Variants in C12orf56 observed in about 807,000 individuals in gnomAD.
C12orf56 encodes chromosome 12 open reading frame 56, also known as uncharacterized protein C12orf56.
A neutral mutation model predicts 69.9 loss-of-function variants in C12orf56; 71 were observed. That is an observed-to-expected ratio of 1.02 (90% CI 0.84 to 1.24). The LOEUF (loss-of-function observed/expected upper bound fraction) is 1.24, where lower values mean the gene tolerates loss of function less well. C12orf56 is among the 50% of genes most tolerant of loss of function. The pLI, the probability that C12orf56 is intolerant of heterozygous loss-of-function variation, is 0.00. For synonymous variants in C12orf56, 276 were observed against 274.1 expected (o/e 1.01, Z -0.07); for missense variants, 732 against 738.5 (o/e 0.99, Z 0.10).
At chr12:64,389,874 T>G (rs2039844515) in intron 1 of C12orf56, among the ~76,000 whole-genome samples, 1 of 152,284 alleles carries the variant, frequency 6.6e-6, no homozygotes, top group East Asian at 1.9e-4. Context: ...ATAACAGCAC[T>G]TAACACACAG....
At chr12:64,390,276 T>C in intron 1 of C12orf56, 38 bp downstream of exon 1, 9 of 1,562,286 alleles carry the variant, frequency 5.8e-6, no homozygotes, top group East Asian at 2.3e-5. Context: ...GAGTTCTCAC[T>C]GCGCTCCCGA....
intron 5 of C12orf56, among the ~76,000 whole-genome samples, chr12:64,308,476 C>T (rs2038545880): frequency 6.6e-6 from 1 of 150,394 alleles, no homozygotes. Flanking sequence ...TTCTATATCA[C>T]ATCATCAAGC....
At chr12:64,325,645 G>T (rs2038829538) in intron 3 of C12orf56, among the ~76,000 whole-genome samples, 1 of 152,162 alleles carries the variant, frequency 6.6e-6, no homozygotes, top group Non-Finnish European at 1.5e-5. Context: ...AACTGAAATT[G>T]ATGAGTTGGC....
chr12:64,386,384 T>TTATATATATATATA (rs1465862061), intron 1 of C12orf56, among the ~76,000 whole-genome samples: 1 of 104,104 alleles, frequency 9.6e-6, no homozygotes. Flanking sequence ...TGGCTAATTT[T>TTATATATATATATA]TATATATATA....
At chr12:64,305,798 C>A (rs2038503832) in intron 5 of C12orf56, among the ~76,000 whole-genome samples, 1 of 152,232 alleles carries the variant, frequency 6.6e-6, no homozygotes, top group Non-Finnish European at 1.5e-5. Flanking sequence ...CTATCCACTT[C>A]TAATTACCAC....
At chr12:64,384,942 T>C (rs1441287077) in intron 1 of C12orf56, among the ~76,000 whole-genome samples, 6 of 151,408 alleles carry the variant, frequency 4.0e-5, no homozygotes, top group African/African-American at 1.5e-4. Flanking sequence ...TAATCCCAGC[T>C]ACCCGAGAGG....
At chr12:64,269,530 C>G (rs1202744243) in intron 12 of C12orf56, among the ~76,000 whole-genome samples, 1 of 152,104 alleles carries the variant, frequency 6.6e-6, no homozygotes, top group Non-Finnish European at 1.5e-5. Flanking sequence ...TTGCTTCTGT[C>G]CAATAACTCA....
intron 5 of C12orf56, among the ~76,000 whole-genome samples, chr12:64,310,365 A>G (rs2038591029): frequency 1.3e-5 from 2 of 152,200 alleles, no homozygotes; most frequent in South Asian, 4.1e-4. Flanking sequence ...TGAATCTGTC[A>G]TTTCATTACA....
chr12:64,329,659 A>C (rs1292387679), intron 3 of C12orf56, among the ~76,000 whole-genome samples: 2 of 134,452 alleles, frequency 1.5e-5, no homozygotes, highest in South Asian at 2.7e-4. Flanking sequence ...TATATCTCCC[A>C]ATGCTATCCC....
intron 2 of C12orf56, among the ~76,000 whole-genome samples, chr12:64,351,490 C>T (rs987034372): frequency 3.3e-5 from 5 of 152,154 alleles, no homozygotes; most frequent in Non-Finnish European, 5.9e-5. Context: ...AGCCAAGCTT[C>T]GCAATTCATG....
intron 9 of C12orf56, among the ~76,000 whole-genome samples, chr12:64,276,993 T>A (rs1338725281): frequency 4.3e-5 from 3 of 69,218 alleles, no homozygotes; most frequent in African/African-American, 1.7e-4. Context: ...AACCCTTTCT[T>A]AAAAAAAAAA....
At chr12:64,309,955 C>A (rs774403689) in intron 5 of C12orf56, among the ~76,000 whole-genome samples, 8 of 151,982 alleles carry the variant, frequency 5.3e-5, no homozygotes, top group Non-Finnish European at 1.2e-4. Flanking sequence ...TAAGACAAAT[C>A]AATGGATTTA....
intron 6 of C12orf56, among the ~76,000 whole-genome samples, chr12:64,287,243 C>CAAA (rs534894017): frequency 1.0e-5 from 1 of 98,768 alleles, no homozygotes; most frequent in African/African-American, 4.1e-5. Context: ...GAGACTCCAT[C>CAAA]AAAAAAAAAA....
chr12:64,351,194 T>C (rs1445528259), intron 2 of C12orf56, among the ~76,000 whole-genome samples: 2 of 152,186 alleles, frequency 1.3e-5, no homozygotes, highest in Non-Finnish European at 2.9e-5. Context: ...ACCCAAATCT[T>C]AGCAAGCATA....
At chr12:64,389,936 G>T (rs1386032277) in intron 1 of C12orf56, among the ~76,000 whole-genome samples, 2 of 152,160 alleles carry the variant, frequency 1.3e-5, no homozygotes, top group African/African-American at 4.8e-5. Context: ...CTGCTTCTAG[G>T]TAGGGGCCCT....
At chr12:64,353,400 G>A (rs568960547) in intron 1 of C12orf56, among the ~76,000 whole-genome samples, 7 of 151,456 alleles carry the variant, frequency 4.6e-5, no homozygotes, top group East Asian at 1.9e-4. Flanking sequence ...TTAAGTGATC[G>A]CCCACCTCGG....
chr12:64,322,442 T>TG (rs113924278), intron 3 of C12orf56, among the ~76,000 whole-genome samples: 67,865 of 151,910 alleles, frequency 0.45, 15,509 homozygotes, highest in African/African-American at 0.54. Context: ...CTTCTATTTC[T>TG]TGCTGAGACT....
chr12:64,296,780 G>A (rs934161269), intron 6 of C12orf56, among the ~76,000 whole-genome samples: 4 of 152,106 alleles, frequency 2.6e-5, no homozygotes, highest in Admixed American at 2.0e-4. Flanking sequence ...GGTTGATTGG[G>A]TCATGAGGCT....
chr12:64,267,299 TAAAAA>T lies in C12orf56; in HGVS notation c.1764-16_1764-12del. Reference sequence around the variant, plus strand: ...ATGTGAATAAAGTACCTGCAAATCATAAAAAGAAACAAAATAGAGAGTTTTAAAAA... The same window carrying T: ...ATGTGAATAAAGTACCTGCAAATCATGAAACAAAATAGAGAGTTTTAAAAA... On this transcript the variant is annotated splice_polypyrimidine_tract_variant and intron_variant, in intron 12 of 12. Coordinates refer to ENST00000543942, the MANE Select transcript of C12orf56 (RefSeq NM_001170633.2). The T allele has an allele frequency of 6.3e-7, 1 of 1,585,122 alleles. No individual in the cohort carries two copies. Among genetic ancestry groups the T allele is most frequent in the South Asian group, 1.1e-5 (1 of 87,392 alleles).
Sources: allele counts gnomAD v4.1 joint callset (sites outside exome capture counted in the v4.1 genomes callset), GRCh38; gene constraint gnomAD v4.1.1; transcripts MANE v1.5; gene names NCBI Gene and HGNC (gene_info 2026-07-23, HGNC 2026-07-21).